SYNPO2: variants seen among roughly 807,000 people sequenced by gnomAD.
The protein encoded by SYNPO2 is synaptopodin-2.
SYNPO2 carries 56 observed loss-of-function variants against 85.0 expected under a neutral mutation model. The ratio of observed to expected loss-of-function variants is 0.66; its 90% CI spans 0.53 to 0.82. The LOEUF is 0.82. SYNPO2 is among the 40% of genes least tolerant of loss of function. The pLI, the probability that SYNPO2 is intolerant of heterozygous loss-of-function variation, is 0.00. For synonymous variants in SYNPO2, 602 were observed against 591.1 expected (o/e 1.02, Z -0.27); for missense variants, 1,575 against 1,534.2 (o/e 1.03, Z -0.44).
chr4:118,936,140 T>A (rs1734092565), intron 1 of SYNPO2, among the ~76,000 whole-genome samples: 1 of 152,174 alleles, frequency 6.6e-6, no homozygotes, highest in African/African-American at 2.4e-5. Context: ...TACAGTAACA[T>A]GCTGTGTAGG....
At position 119,031,560 on chromosome 4, in the gene SYNPO2, C is replaced by T. The variant is rs1578662404; in HGVS notation, c.2785C>T (p.His929Tyr). The change falls in exon 4 of 5, where the codon CAC (histidine) becomes TAC (tyrosine). Residue 929 changes from histidine (H) to tyrosine (Y), a missense_variant. By Grantham distance (83) the His-to-Tyr change is moderately conservative. Coordinates refer to ENST00000307142, the MANE Select transcript of SYNPO2 (RefSeq NM_133477.3). ...TCCTCCTGTGGCCTATAATCCTATC[C>T]ACTCGCCGTCTTACCCACTGGCTGC... ...APPPVAYNPI[H>Y]SPSYPLAALK... 1 of 1,614,158 alleles carries T rather than the reference C, an allele frequency of 6.2e-7. No individual in the cohort carries two copies. The highest frequency in any genetic ancestry group is 8.5e-7 in the Non-Finnish European group (1 of 1,180,034).
intron 1 of SYNPO2, among the ~76,000 whole-genome samples, chr4:118,976,359 G>T (rs566052044): frequency 6.6e-6 from 1 of 152,158 alleles, no homozygotes. Flanking sequence ...GCAGATCTTC[G>T]CGGTGAGTGT....
intron 4 of SYNPO2, among the ~76,000 whole-genome samples, chr4:119,051,275 C>T (rs866997261): frequency 3.0e-5 from 4 of 131,786 alleles, no homozygotes; most frequent in African/African-American, 5.7e-5. Context: ...CTGCAAGCTC[C>T]GCCTCCCGGG....
chr4:119,026,792 C>T lies in SYNPO2; in HGVS notation c.423C>T (p.Pro141=). 2 of 1,601,198 alleles carry T rather than the reference C, an allele frequency of 1.2e-6. No homozygotes were observed. Among genetic ancestry groups the T allele is most frequent in the Non-Finnish European group, 1.7e-6 (2 of 1,174,158 alleles). Residue 141 remains proline, a synonymous_variant, in exon 3 of 5, where the codon CCC becomes CCT. Coordinates refer to ENST00000307142, the MANE Select transcript of SYNPO2 (RefSeq NM_133477.3). ...TCGCCCCTGTCAAGACTGAAGTTCC[C>T]CTAGCTGAGAACCAAAGAAGTGGTC... ...FFLAPVKTEV[P]LAENQRSGPD...
In SYNPO2 at chr4:118,991,319, TG is replaced by T. The variant is rs1390773958; in HGVS notation, c.106-32110del. 8.6e-5 allele frequency among the ~76,000 whole-genome samples: 13 copies of T among 152,020 alleles called. 1 individual carries two copies. The highest frequency in any genetic ancestry group is 8.5e-4 in the Admixed American group (13 of 15,270). Reference sequence around the variant, plus strand: ...CGCACCACCGCACCTGGCTAATTTTTGTATTTTTAGTAGAGACAGGGTTTCG... The same window carrying T: ...CGCACCACCGCACCTGGCTAATTTTTTATTTTTAGTAGAGACAGGGTTTCG... On this transcript the variant is annotated intron_variant, in intron 1 of 4. Transcript: ENST00000307142.
At chr4:118,972,214 G>T (rs1031078559) in intron 1 of SYNPO2, among the ~76,000 whole-genome samples, 5 of 152,160 alleles carry the variant, frequency 3.3e-5, no homozygotes, top group Non-Finnish European at 5.9e-5. Flanking sequence ...ACAGAGGTGG[G>T]AGGATCACTT....
upstream of SYNPO2, among the ~76,000 whole-genome samples, chr4:118,886,578 T>G (rs1450936108): frequency 6.6e-6 from 1 of 152,226 alleles, no homozygotes; most frequent in South Asian, 2.1e-4. Flanking sequence ...GCAAAGGACA[T>G]TAACACATTC....
At chr4:118,989,464 A>C (rs953838790) in intron 1 of SYNPO2, among the ~76,000 whole-genome samples, 1 of 152,244 alleles carries the variant, frequency 6.6e-6, no homozygotes, top group Non-Finnish European at 1.5e-5. Context: ...ATGTGTGATC[A>C]TATCTCCCTA....
chr4:118,863,766 C>G (rs1013322536), intron 1 of SYNPO2, among the ~76,000 whole-genome samples: 1 of 152,158 alleles, frequency 6.6e-6, no homozygotes, highest in African/African-American at 2.4e-5. Flanking sequence ...CGCAAGCCAT[C>G]ACACCCGGTT....
intron 1 of SYNPO2, among the ~76,000 whole-genome samples, chr4:119,014,345 C>G (rs937730724): frequency 6.6e-6 from 1 of 152,102 alleles, no homozygotes; most frequent in African/African-American, 2.4e-5. Flanking sequence ...ACCTGGGAGG[C>G]GGAGGTTGCA....
At chr4:119,008,692 A>G (rs1395513886) in intron 1 of SYNPO2, among the ~76,000 whole-genome samples, 2 of 152,182 alleles carry the variant, frequency 1.3e-5, no homozygotes, top group Non-Finnish European at 2.9e-5. Flanking sequence ...ATCTCAAGAA[A>G]TTAACATTTA....
chr4:119,016,234 C>A (rs1236669768), intron 1 of SYNPO2, among the ~76,000 whole-genome samples: 1 of 152,026 alleles, frequency 6.6e-6, no homozygotes, highest in African/African-American at 2.4e-5. Flanking sequence ...CCAGCCTGGC[C>A]AACATGGCAA....
chr4:118,938,490 T>C (rs553436165), intron 1 of SYNPO2, among the ~76,000 whole-genome samples: 4 of 152,330 alleles, frequency 2.6e-5, no homozygotes, highest in South Asian at 2.1e-4. Flanking sequence ...TATATTATTA[T>C]TGTTTTAAGA....
chr4:118,990,634 A>G (rs1736381359), intron 1 of SYNPO2, among the ~76,000 whole-genome samples: 1 of 150,636 alleles, frequency 6.6e-6, no homozygotes, highest in Non-Finnish European at 1.5e-5. Context: ...TTTGAGACAG[A>G]ATCTCGCTCG....
chr4:118,903,532 A>C (rs972514023), intron 1 of SYNPO2, among the ~76,000 whole-genome samples: 19 of 152,334 alleles, frequency 1.2e-4, no homozygotes, highest in African/African-American at 4.1e-4. Flanking sequence ...ACTTGCGATG[A>C]TGCTTTTACC....
intron 1 of SYNPO2, among the ~76,000 whole-genome samples, chr4:118,928,086 A>G (rs1560874995): frequency 6.6e-6 from 1 of 152,216 alleles, no homozygotes; most frequent in African/African-American, 2.4e-5. Flanking sequence ...TAGGCAACCC[A>G]GAAGGAGCTT....
At chr4:118,916,152 A>G (rs552707187) in intron 1 of SYNPO2, among the ~76,000 whole-genome samples, 1 of 150,366 alleles carries the variant, frequency 6.7e-6, no homozygotes, top group African/African-American at 2.4e-5. Context: ...CAATTTTAAT[A>G]TGTCAAACTT....
In SYNPO2 at chr4:119,059,444, A is replaced by G. The variant is rs1739333927; in HGVS notation, c.*1510A>G. On this transcript the variant is annotated 3_prime_UTR_variant, in exon 5 of 5. Coordinates refer to ENST00000307142, the MANE Select transcript of SYNPO2 (RefSeq NM_133477.3). ...ATCCCATGACACATGCCTTGTTAGCATGCCCATCAAATAATCAGATCAAAC... is the reference window on the plus strand; with the variant it reads ...ATCCCATGACACATGCCTTGTTAGCGTGCCCATCAAATAATCAGATCAAAC... 2 of 152,214 alleles carry G rather than the reference A, an allele frequency of 1.3e-5. No individual in the cohort carries two copies. Among genetic ancestry groups the G allele is most frequent in the South Asian group, 4.1e-4 (2 of 4,834 alleles). The allele number at this position is 152,214 out of a possible 1,614,324, so 9.4% of individuals were successfully genotyped here.
intron 1 of SYNPO2, among the ~76,000 whole-genome samples, chr4:118,981,208 A>G (rs1735995367): frequency 6.6e-6 from 1 of 152,232 alleles, no homozygotes; most frequent in South Asian, 2.1e-4. Flanking sequence ...AGGACAGCAC[A>G]GCGTGTGTTT....
Sources: gnomAD v4.1 joint callset for allele counts (sites outside exome capture counted in the v4.1 genomes callset) on GRCh38, gnomAD v4.1.1 for gene constraint, MANE v1.5 for transcripts, NCBI Gene and HGNC (gene_info 2026-07-23, HGNC 2026-07-21) for gene names.